Variants in CSMD1 observed in about 807,000 individuals in gnomAD.
The protein encoded by CSMD1 is CUB and Sushi multiple domains 1, also known as CUB and sushi domain-containing protein 1.
Under a neutral mutation model 417.5 loss-of-function variants are expected in CSMD1, and 213 were observed. The ratio of observed to expected loss-of-function variants is 0.51; its 90% CI spans 0.46 to 0.57. CSMD1 has a LOEUF of 0.57. CSMD1 is among the 20% of genes least tolerant of loss of function. The probability of loss-of-function intolerance (pLI) is 0.00; values close to 1 mark genes in which losing one functional copy is unlikely to be tolerated. For synonymous variants in CSMD1, 2,862 were observed against 1,736.8 expected, an observed-to-expected ratio of 1.65 and a Z score of -16.11; for missense variants, 6,923 against 4,529.7, an observed-to-expected ratio of 1.53 and a Z score of -15.17.
At chr8:3,802,213 A>G (rs1800494005) in intron 5 of CSMD1, among the ~76,000 whole-genome samples, 1 of 152,190 alleles carries the variant, frequency 6.6e-6, no homozygotes, top group Non-Finnish European at 1.5e-5. Context: ...CACACCTTGT[A>G]AATTCTTAAA....
intron 2 of CSMD1, among the ~76,000 whole-genome samples, chr8:4,536,620 A>G (rs952162920): frequency 5.1e-4 from 77 of 152,334 alleles, no homozygotes; most frequent in African/African-American, 1.8e-3. Flanking sequence ...GTGGATACTG[A>G]GAATAGGTAC....
At chr8:4,194,081 A>T (rs1216440823) in intron 3 of CSMD1, among the ~76,000 whole-genome samples, 1 of 152,290 alleles carries the variant, frequency 6.6e-6, no homozygotes, top group East Asian at 1.9e-4. Flanking sequence ...TAACAATTTC[A>T]ATCTACTGTA....
At chr8:4,690,778 G>A (rs556547327) in intron 1 of CSMD1, among the ~76,000 whole-genome samples, 25 of 152,102 alleles carry the variant, frequency 1.6e-4, no homozygotes, top group Admixed American at 5.2e-4. Context: ...CACCAGGCTG[G>A]AGTTCACTGG....
intron 25 of CSMD1, among the ~76,000 whole-genome samples, chr8:3,293,697 T>G (rs967743929): frequency 1.3e-5 from 2 of 152,220 alleles, no homozygotes; most frequent in African/African-American, 4.8e-5. Context: ...TAAGGACTTC[T>G]GTGCATTGGT....
intron 2 of CSMD1, among the ~76,000 whole-genome samples, chr8:4,592,808 C>T (rs942148487): frequency 3.9e-5 from 6 of 152,086 alleles, no homozygotes; most frequent in Admixed American, 6.5e-5. Context: ...TACCAATACA[C>T]GAAATATCCT....
At chr8:4,667,208 T>C (rs1351197464) in intron 1 of CSMD1, among the ~76,000 whole-genome samples, 2 of 152,178 alleles carry the variant, frequency 1.3e-5, no homozygotes, top group Non-Finnish European at 2.9e-5. Context: ...ATAGATTATA[T>C]CTATCTATCT....
chr8:3,987,672 A>T (rs1480092320), intron 5 of CSMD1, among the ~76,000 whole-genome samples: 1 of 152,234 alleles, frequency 6.6e-6, no homozygotes, highest in Non-Finnish European at 1.5e-5. Context: ...GTTCCCAGAC[A>T]GAGAAAATGG....
intron 42 of CSMD1, among the ~76,000 whole-genome samples, chr8:3,115,894 T>G (rs1367017977): frequency 6.6e-6 from 1 of 152,206 alleles, no homozygotes; most frequent in African/African-American, 2.4e-5. Context: ...GGGCTGGACC[T>G]TTGAAGATGG....
chr8:4,836,359 G>C (rs533279522), intron 1 of CSMD1, among the ~76,000 whole-genome samples: 1 of 152,246 alleles, frequency 6.6e-6, no homozygotes, highest in Non-Finnish European at 1.5e-5. Context: ...CTTCTATGTG[G>C]AGCCATGCCA....
chr8:3,996,236 C>T (rs1815203062), intron 5 of CSMD1, among the ~76,000 whole-genome samples: 2 of 152,150 alleles, frequency 1.3e-5, no homozygotes, highest in African/African-American at 4.8e-5. Flanking sequence ...GCAGTCAATG[C>T]CCAATACCTC....
At chr8:3,404,159 C>T (rs1280535436) in intron 15 of CSMD1, among the ~76,000 whole-genome samples, 1 of 151,974 alleles carries the variant, frequency 6.6e-6, no homozygotes, top group Non-Finnish European at 1.5e-5. Context: ...CATGTTGAAA[C>T]GTCCCCTCTA....
intron 12 of CSMD1, among the ~76,000 whole-genome samples, chr8:3,435,942 C>G (rs574889534): frequency 6.6e-6 from 1 of 152,340 alleles, no homozygotes; most frequent in Admixed American, 6.5e-5. Context: ...CTGCAATTAA[C>G]CAGATGCAAT....
At chr8:2,941,644 G>A (rs1314148453) in intron 69 of CSMD1, among the ~76,000 whole-genome samples, 1 of 152,166 alleles carries the variant, frequency 6.6e-6, no homozygotes, top group South Asian at 2.1e-4. Context: ...AAAGTTGTTT[G>A]TCCCCAAGTT....
At chr8:3,774,827 G>A (rs1161152069) in intron 5 of CSMD1, among the ~76,000 whole-genome samples, 6 of 152,224 alleles carry the variant, frequency 3.9e-5, no homozygotes, top group Non-Finnish European at 5.9e-5. Context: ...TCATTCTCAA[G>A]GGATACATTC....
chr8:4,720,760 A>T (rs1808998879), intron 1 of CSMD1, among the ~76,000 whole-genome samples: 1 of 152,192 alleles, frequency 6.6e-6, no homozygotes, highest in South Asian at 2.1e-4. Context: ...AAAGTTTCTG[A>T]AAAATCATCT....
chr8:3,533,633 A>C (rs1433324314), intron 10 of CSMD1, among the ~76,000 whole-genome samples: 1 of 152,126 alleles, frequency 6.6e-6, no homozygotes, highest in African/African-American at 2.4e-5. Flanking sequence ...CTGCATCTGG[A>C]ATCTCCCAGA....
At chr8:3,648,941 A>G (rs1797712873) in intron 7 of CSMD1, among the ~76,000 whole-genome samples, 1 of 151,930 alleles carries the variant, frequency 6.6e-6, no homozygotes, top group Non-Finnish European at 1.5e-5. Context: ...TTTTTCTTTA[A>G]CAGAACCCGT....
At chr8:3,548,034 G>C (rs1206826012) in intron 10 of CSMD1, among the ~76,000 whole-genome samples, 1 of 151,928 alleles carries the variant, frequency 6.6e-6, no homozygotes. Flanking sequence ...TCCTGGAGAG[G>C]GGTAACCACC....
At chr8:3,621,729 G>A (rs1234132131) in intron 7 of CSMD1, among the ~76,000 whole-genome samples, 1 of 151,728 alleles carries the variant, frequency 6.6e-6, no homozygotes, top group Non-Finnish European at 1.5e-5. Flanking sequence ...ACAGGTGCAT[G>A]CCACCACTCC....
Sources: allele counts gnomAD v4.1 joint callset (sites outside exome capture counted in the v4.1 genomes callset), GRCh38; gene constraint gnomAD v4.1.1; transcripts MANE v1.5; gene names NCBI Gene and HGNC (gene_info 2026-07-23, HGNC 2026-07-21).